The following CHD1 variants were observed in gnomAD, a reference collection of about 807,000 sequenced individuals.
CHD1 encodes the protein ATP-dependent chromatin remodeler CHD1.
CHD1 carries 36 observed loss-of-function variants against 224.2 expected under a neutral mutation model. The ratio of observed to expected loss-of-function variants is 0.16; its 90% confidence interval spans 0.12 to 0.21. The LOEUF is 0.21. CHD1 is among the 10% of genes least tolerant of loss of function. The probability of loss-of-function intolerance (pLI) is 1.00; values close to 1 mark genes in which losing one functional copy is unlikely to be tolerated. For missense variants in CHD1, 1,378 were observed against 1,994.8 expected (o/e 0.69, Z 5.89); for synonymous variants, 668 against 658.3 (o/e 1.01, Z -0.23).
intron 18 of CHD1, 61 bp downstream of exon 18, chr5:98,885,517 T>C: frequency 1.0e-6 from 1 of 999,078 alleles, no homozygotes; most frequent in Non-Finnish European, 1.5e-6. Context: ...CTGAATATAA[T>C]AATGTAATAT....
Position 98,868,586 on chromosome 5 carries a change from A to G in CHD1, c.4157T>C (p.Val1386Ala). 2 of 1,609,176 alleles carry G rather than the reference A, an allele frequency of 1.2e-6. No homozygotes were observed. The highest frequency in any genetic ancestry group is 1.7e-6 in the Non-Finnish European group (2 of 1,178,596). The part of the protein sequence containing the change: ...DGRERSKKSS[V>A]SDAPVHITAS... The stretch of plus-strand genomic sequence containing the variant: ...CGTGATATGAACTGGAGCATCTGAC[A>G]CTGAAGATTTCTTGGATCTTTCCCT... The change falls in exon 31 of 36, where the codon GTG (valine) becomes GCG (alanine). Residue 1386 changes from valine to alanine, a missense_variant. Coordinates refer to ENST00000614616, the MANE Select transcript of CHD1 (RefSeq NM_001270.4).
At chr5:98,888,710 G>A (rs2112448972) in intron 16 of CHD1, among the ~76,000 whole-genome samples, 1 of 152,340 alleles carries the variant, frequency 6.6e-6, no homozygotes, top group Middle Eastern at 3.4e-3. Flanking sequence ...GAAGTACCAG[G>A]AAGGGTTAAG....
chr5:98,896,549 G>C (rs1008076613), intron 11 of CHD1, 107 bp from the exon 12 acceptor site: 2 of 700,374 alleles, frequency 2.9e-6, no homozygotes, highest in Non-Finnish European at 4.8e-6. Context: ...AAATTGATAG[G>C]TATTATATAG....
intron 18 of CHD1, 38 bp from the exon 19 acceptor site, chr5:98,883,275 A>T (rs765052880): frequency 6.8e-7 from 1 of 1,470,570 alleles, no homozygotes; most frequent in Admixed American, 2.2e-5. Context: ...AAAATTTTTC[A>T]ATTGATTTTC....
intron 2 of CHD1, among the ~76,000 whole-genome samples, chr5:98,913,029 G>A (rs576424166): frequency 2.0e-5 from 3 of 152,278 alleles, no homozygotes; most frequent in Admixed American, 1.3e-4. Flanking sequence ...AATTATAATG[G>A]AGGATTGTGT....
chr5:98,889,832 T>C (rs956452345), intron 15 of CHD1: 3 of 152,170 alleles, frequency 2.0e-5, no homozygotes, highest in Non-Finnish European at 4.4e-5. Flanking sequence ...CTCCATATTT[T>C]TGTATATATA....
At chr5:98,904,001 T>C in intron 3 of CHD1, 93 bp from the exon 4 acceptor site, 1 of 707,026 alleles carries the variant, frequency 1.4e-6, no homozygotes, top group Non-Finnish European at 2.4e-6. Context: ...CCATCTTTAC[T>C]GCCTCAAAGT....
chr5:98,884,766 G>C (rs1750527114), intron 18 of CHD1, among the ~76,000 whole-genome samples: 2 of 150,484 alleles, frequency 1.3e-5, no homozygotes, highest in Non-Finnish European at 3.0e-5. Context: ...GCCTGGGCTA[G>C]AGTCTAGTGA....
chr5:98,862,380 G>A (rs1561478806), intron 32 of CHD1, among the ~76,000 whole-genome samples: 1 of 152,160 alleles, frequency 6.6e-6, no homozygotes, highest in Non-Finnish European at 1.5e-5. Context: ...AAAGAAAAGT[G>A]AGGTGAGAGC....
At position 98,857,227 on chromosome 5, in the gene CHD1, A is replaced by G. The variant is rs140657230; in HGVS notation, c.4788-502T>C. ...CTAGTTATATAGTAAGACTCGACAC[A>G]TGAATCATTACGAAATTTACTCCAT... On this transcript the variant is annotated intron_variant, in intron 35 of 35. Coordinates refer to ENST00000614616, the MANE Select transcript of CHD1 (RefSeq NM_001270.4). 2.8e-3 allele frequency among the ~76,000 whole-genome samples: 422 copies of G among 152,260 alleles called. 2 individuals are homozygous for G. The highest frequency in any genetic ancestry group is 8.8e-3 in the African/African-American group (365 of 41,570).
In CHD1 at chr5:98,904,553, G is replaced by A. The variant is rs1751927818; in HGVS notation, c.255+344C>T. Among the ~76,000 whole-genome samples, 7 of 152,258 alleles carry A rather than the reference G, an allele frequency of 4.6e-5. No homozygotes were observed. In the South Asian group the frequency reaches 1.5e-3, roughly 32 times the overall value. ...CTCCTTTGAAGCTCTTGAAAGTAGA[G>A]ATCATAACACGGTAAGGTTAACAAG... On this transcript the variant is annotated intron_variant, in intron 3 of 35. Coordinates refer to ENST00000614616, the MANE Select transcript of CHD1 (RefSeq NM_001270.4).
chr5:98,883,021 A>T, intron 19 of CHD1, 67 bp downstream of exon 19: 12 of 876,240 alleles, frequency 1.4e-5, no homozygotes, highest in East Asian at 3.1e-5. Flanking sequence ...GATAAACTGA[A>T]ATCACTTCCA....
chr5:98,863,345 A>C (rs1580354413), intron 32 of CHD1, 63 bp downstream of exon 32: 8 of 138,690 alleles, frequency 5.8e-5, no homozygotes, highest in South Asian at 1.6e-4. Context: ...GAAAGAAAAC[A>C]AAAAAAAAAA....
chr5:98,869,096 A>T (rs1749122076), intron 30 of CHD1: 1 of 917,134 alleles, frequency 1.1e-6, no homozygotes, highest in South Asian at 5.0e-5. Flanking sequence ...TTTTTCCTTT[A>T]TATCTTTCTT....
intron 1 of CHD1, among the ~76,000 whole-genome samples, chr5:98,927,865 T>G (rs62367700): frequency 0.17 from 26,365 of 152,126 alleles, 2,354 homozygotes; most frequent in Middle Eastern, 0.33. Context: ...TTCACAACCC[T>G]GAGTTCTGAA....
rs1561289892 is a variant in CHD1, at chr5:98,929,000, CG to C, written c.-611del. 1 of 151,994 alleles carries C rather than the reference CG, an allele frequency of 6.6e-6. No homozygotes were observed. Among genetic ancestry groups the C allele is most frequent in the African/African-American group, 2.4e-5 (1 of 41,366 alleles). 9.4% of individuals were successfully genotyped at this position (151,994 alleles called of 1,614,324 possible). ...CTGCTCACTCCCCTTCCCGACAGAG[CG>C]CGAGGCGGGCGGGCGCGCGCACGCC... On this transcript the variant is annotated 5_prime_UTR_variant, in exon 1 of 36. Coordinates refer to ENST00000614616, the MANE Select transcript of CHD1 (RefSeq NM_001270.4).
intron 19 of CHD1, among the ~76,000 whole-genome samples, chr5:98,882,838 T>C (rs1406620743): frequency 1.3e-5 from 2 of 152,160 alleles, no homozygotes; most frequent in African/African-American, 2.4e-5. Context: ...TGAAAAACAC[T>C]GCATTTTATA....
chr5:98,916,220 T>G (rs1024534914), intron 2 of CHD1, among the ~76,000 whole-genome samples: 1 of 151,770 alleles, frequency 6.6e-6, no homozygotes, highest in Non-Finnish European at 1.5e-5. Flanking sequence ...AAGTTCAATT[T>G]TAAAGAGATT....
intron 26 of CHD1, among the ~76,000 whole-genome samples, chr5:98,873,110 G>T (rs762194212): frequency 1.4e-4 from 21 of 152,200 alleles, no homozygotes; most frequent in Middle Eastern, 3.4e-3. Context: ...TTACAGGTGT[G>T]AGCCACTATG....
Sources: allele counts gnomAD v4.1 joint callset (sites outside exome capture counted in the v4.1 genomes callset), GRCh38; gene constraint gnomAD v4.1.1; transcripts MANE v1.5; gene names NCBI Gene and HGNC (gene_info 2026-07-23, HGNC 2026-07-21).